The following CYP2C19 variants were observed in gnomAD, a reference collection of about 807,000 sequenced individuals.
CYP2C19 encodes the protein cytochrome P450 2C19.
Under a neutral mutation model 40.9 loss-of-function variants are expected in CYP2C19, and 59 were observed. That is an observed-to-expected ratio of 1.44 (90% confidence interval 1.17 to 1.79). CYP2C19 has a LOEUF of 1.79. Ranked by LOEUF, CYP2C19 falls within the 40% of genes most tolerant of loss-of-function variation. The pLI is 0.00. For missense variants in CYP2C19, 754 were observed against 596.9 expected, an observed-to-expected ratio of 1.26 and a Z score of -2.74; for synonymous variants, 253 against 208.7, an observed-to-expected ratio of 1.21 and a Z score of -1.83.
intron 5 of CYP2C19, among the ~76,000 whole-genome samples, chr10:94,794,161 C>T (rs117716164): frequency 0.048 from 7,299 of 152,240 alleles, 247 homozygotes; most frequent in South Asian, 0.11. Context: ...CTCTGAGCCA[C>T]GCATGGGATA....
In CYP2C19 at chr10:94,811,874, C is replaced by T. The variant is rs185842007; in HGVS notation, c.820-8622C>T. Among the ~76,000 whole-genome samples the T allele has an allele frequency of 3.1e-3, 474 of 152,174 alleles. 3 individuals carry two copies. Among genetic ancestry groups the T allele is most frequent in the African/African-American group, 0.011 (449 of 41,528 alleles). ...TTAATTGGGGCATTTAGCCTGTTTACATTTAAGGTTAATATTGTGTGTGGA... is the reference window on the plus strand; with the variant it reads ...TTAATTGGGGCATTTAGCCTGTTTATATTTAAGGTTAATATTGTGTGTGGA... On this transcript the variant is annotated intron_variant, in intron 5 of 8. Coordinates refer to ENST00000371321, the MANE Select transcript of CYP2C19 (RefSeq NM_000769.4).
At chr10:94,763,626 G>A (rs1848202734) in intron 1 of CYP2C19, among the ~76,000 whole-genome samples, 1 of 152,020 alleles carries the variant, frequency 6.6e-6, no homozygotes, top group Admixed American at 6.6e-5. Context: ...ATGATGGTAT[G>A]ATCAGATCAA....
At position 94,837,954 on chromosome 10, in the gene CYP2C19, C is replaced by T. The variant is rs146859028; in HGVS notation, c.962-4883C>T. On this transcript the variant is annotated intron_variant, in intron 6 of 8. Coordinates refer to ENST00000371321, the MANE Select transcript of CYP2C19 (RefSeq NM_000769.4). ...CTTGGACAATCTTTTTTAAAGTGTC[C>T]TTGTAGACTGCACTGGAAGCAAGCC... is the stretch of plus-strand genomic sequence containing the variant. Among the ~76,000 whole-genome samples, 389 of 152,228 alleles carry T rather than the reference C, an allele frequency of 2.6e-3. 13 individuals carry two copies. In the East Asian group the frequency reaches 0.061, roughly 24 times the overall value.
chr10:94,800,726 T>G (rs2134252821), intron 5 of CYP2C19, among the ~76,000 whole-genome samples: 1 of 152,272 alleles, frequency 6.6e-6, no homozygotes, highest in South Asian at 2.1e-4. Flanking sequence ...TTAGCAATGG[T>G]GGATGCCCCT....
intron 6 of CYP2C19, among the ~76,000 whole-genome samples, chr10:94,831,171 C>T (rs1004719673): frequency 9.9e-5 from 15 of 152,140 alleles, no homozygotes; most frequent in Admixed American, 6.5e-4. Flanking sequence ...ACATAATGCT[C>T]TCCAATTTCA....
chr10:94,826,281 G>A (rs866479239), intron 6 of CYP2C19, among the ~76,000 whole-genome samples: 25 of 151,686 alleles, frequency 1.6e-4, no homozygotes, highest in African/African-American at 5.8e-4. Context: ...TGATTCTTCC[G>A]ACCCATGAGC....
At chr10:94,795,599 A>T (rs1848672885) in intron 5 of CYP2C19, among the ~76,000 whole-genome samples, 1 of 152,082 alleles carries the variant, frequency 6.6e-6, no homozygotes, top group African/African-American at 2.4e-5. Context: ...ACAATGGTTA[A>T]ACTAGTTTAC....
chr10:94,830,184 C>G (rs1383724122), intron 6 of CYP2C19, among the ~76,000 whole-genome samples: 1 of 152,224 alleles, frequency 6.6e-6, no homozygotes, highest in Admixed American at 6.5e-5. Flanking sequence ...GGGCTCCACC[C>G]AGTTCCAGCT....
At chr10:94,791,463 G>A (rs1848604544) in intron 5 of CYP2C19, among the ~76,000 whole-genome samples, 1 of 152,086 alleles carries the variant, frequency 6.6e-6, no homozygotes, top group African/African-American at 2.4e-5. Flanking sequence ...ATGTTAGGGT[G>A]TCAAATTTAG....
chr10:94,763,522 A>G lies in CYP2C19; in HGVS notation c.168+649A>G, dbSNP rs543965836. ...TTTCTTGAGTAAAAGATGTTTTAAC[A>G]GTGTTAATATGATATGTGAATACAC... On this transcript the variant is annotated intron_variant, in intron 1 of 8. Transcript: ENST00000371321. 2.0e-5 allele frequency among the ~76,000 whole-genome samples: 3 copies of G among 152,258 alleles called. No homozygotes were observed. The South Asian group carries it at 6.2e-4, about 32-fold the overall frequency.
chr10:94,829,067 C>T (rs576616174), intron 6 of CYP2C19, among the ~76,000 whole-genome samples: 129 of 152,196 alleles, frequency 8.5e-4, no homozygotes, highest in Admixed American at 1.3e-3. Context: ...TTGAGGGTAA[C>T]CCGACCTTTC....
chr10:94,767,530 T>G (rs1256170248), intron 1 of CYP2C19, among the ~76,000 whole-genome samples: 5 of 152,124 alleles, frequency 3.3e-5, no homozygotes, highest in Admixed American at 2.0e-4. Flanking sequence ...ATGGGTGAAA[T>G]CTAACTGCCA....
intron 6 of CYP2C19, among the ~76,000 whole-genome samples, chr10:94,826,276 C>T (rs974537708): frequency 1.3e-5 from 2 of 152,076 alleles, no homozygotes; most frequent in African/African-American, 2.4e-5. Context: ...AATATTGATT[C>T]TTCCGACCCA....
rs556664443 is a variant in CYP2C19, at chr10:94,770,461, G to A, written c.169-4597G>A. Among the ~76,000 whole-genome samples the A allele has an allele frequency of 2.0e-5, 3 of 152,212 alleles. No homozygotes were observed. The East Asian group carries it at 5.8e-4, about 29-fold the overall frequency. ...GTCTGAGGGCCATGACTAAGGCTGT[G>A]ACCTTTCTCTGATCTCAGTTTTCCT... On this transcript the variant is annotated intron_variant, in intron 1 of 8. Coordinates refer to ENST00000371321, the MANE Select transcript of CYP2C19 (RefSeq NM_000769.4).
chr10:94,791,043 G>C (rs1002689555), intron 5 of CYP2C19, among the ~76,000 whole-genome samples: 3 of 152,086 alleles, frequency 2.0e-5, no homozygotes, highest in African/African-American at 7.2e-5. Context: ...CTCAATTTCA[G>C]AGCCTGTTAT....
intron 5 of CYP2C19, among the ~76,000 whole-genome samples, chr10:94,800,221 T>C (rs955379085): frequency 1.3e-5 from 2 of 152,210 alleles, no homozygotes; most frequent in Admixed American, 6.5e-5. Flanking sequence ...GTTGATGCTA[T>C]TCCTTTCTGT....
intron 4 of CYP2C19, 88 bp downstream of exon 4, chr10:94,780,747 G>A (rs1271238613): frequency 6.9e-6 from 10 of 1,446,438 alleles, no homozygotes; most frequent in African/African-American, 1.4e-5. Flanking sequence ...AAGCCCTGAA[G>A]TACATTTTTG....
rs149495115 is a variant in CYP2C19, at chr10:94,851,969, A to G, written c.1292-764A>G. 3.1e-3 allele frequency among the ~76,000 whole-genome samples: 473 copies of G among 152,328 alleles called. 3 individuals are homozygous for G. The highest frequency in any genetic ancestry group is 0.011 in the African/African-American group (450 of 41,574). On this transcript the variant is annotated intron_variant, in intron 8 of 8. Coordinates refer to ENST00000371321, the MANE Select transcript of CYP2C19 (RefSeq NM_000769.4). ...TCTTGCTCAGTGAGATGAGAAAGAGAGTAAAAAAGGAGATAAAATTTGACC... is the reference window on the plus strand; with the variant it reads ...TCTTGCTCAGTGAGATGAGAAAGAGGGTAAAAAAGGAGATAAAATTTGACC...
At chr10:94,828,617 A>C (rs1015983045) in intron 6 of CYP2C19, among the ~76,000 whole-genome samples, 39 of 149,134 alleles carry the variant, frequency 2.6e-4, no homozygotes, top group Middle Eastern at 3.4e-3. Context: ...CTCTTTATCC[A>C]ATTTGCAAGT....
Sources: allele counts gnomAD v4.1 joint callset (sites outside exome capture counted in the v4.1 genomes callset), GRCh38; gene constraint gnomAD v4.1.1; transcripts MANE v1.5; gene names NCBI Gene and HGNC (gene_info 2026-07-23, HGNC 2026-07-21).